PTK2B: variants seen among roughly 807,000 people sequenced by gnomAD.
The protein encoded by PTK2B is protein tyrosine kinase 2 beta, also known as protein-tyrosine kinase 2-beta.
A neutral mutation model predicts 142.9 loss-of-function variants in PTK2B; 71 were observed. That is an observed-to-expected ratio of 0.50 (90% CI 0.41 to 0.61). The LOEUF is 0.61. PTK2B is among the 20% of genes least tolerant of loss of function. PTK2B has a pLI of 0.00. For missense variants in PTK2B, 1,105 were observed against 1,320.4 expected, an observed-to-expected ratio of 0.84 and a Z score of 2.53; for synonymous variants, 519 against 503.4, an observed-to-expected ratio of 1.03 and a Z score of -0.42.
upstream of PTK2B, among the ~76,000 whole-genome samples, chr8:27,324,244 CT>C (rs1247042993): frequency 6.6e-6 from 1 of 152,238 alleles, no homozygotes; most frequent in Non-Finnish European, 1.5e-5. Flanking sequence ...TTCTGACCTG[CT>C]GACCGCTGTG....
intron 8 of PTK2B, 185 bp downstream of exon 8, chr8:27,431,201 T>C: frequency 6.8e-7 from 1 of 1,470,242 alleles, no homozygotes; most frequent in Non-Finnish European, 9.1e-7. Context: ...ACTGAAATGT[T>C]GGCCTCCAGC....
intron 1 of PTK2B, among the ~76,000 whole-genome samples, chr8:27,367,663 C>A (rs913483714): frequency 4.6e-5 from 7 of 152,224 alleles, no homozygotes; most frequent in African/African-American, 1.4e-4. Context: ...GTTCTGCAGG[C>A]TGTGCAAGCA....
intron 1 of PTK2B, among the ~76,000 whole-genome samples, chr8:27,352,442 C>A (rs1434255504): frequency 6.6e-6 from 1 of 152,212 alleles, no homozygotes; most frequent in African/African-American, 2.4e-5. Context: ...TGGAGCAAGA[C>A]CACAATCTAC....
intron 1 of PTK2B, among the ~76,000 whole-genome samples, chr8:27,350,924 C>T (rs1307656492): frequency 1.5e-5 from 2 of 133,760 alleles, no homozygotes; most frequent in Admixed American, 7.9e-5. Flanking sequence ...TGCAGTGAGC[C>T]GAGATCACAC....
intron 1 of PTK2B, among the ~76,000 whole-genome samples, chr8:27,378,249 A>G (rs1806787379): frequency 6.6e-6 from 1 of 152,218 alleles, no homozygotes; most frequent in South Asian, 2.1e-4. Flanking sequence ...GACCAAGACA[A>G]TGATCCTGGA....
chr8:27,412,369 G>A (rs1359449505), intron 2 of PTK2B, among the ~76,000 whole-genome samples: 2 of 152,140 alleles, frequency 1.3e-5, no homozygotes, highest in East Asian at 3.8e-4. Context: ...AGATTCAGGT[G>A]TAGTCTGAGG....
intron 24 of PTK2B, among the ~76,000 whole-genome samples, chr8:27,447,157 A>C (rs1811522528): frequency 6.6e-6 from 1 of 152,248 alleles, no homozygotes; most frequent in Non-Finnish European, 1.5e-5. Context: ...GCTTCTCCAC[A>C]AGGACCTTGT....
At chr8:27,418,579 G>A (rs1454878643) in intron 2 of PTK2B, among the ~76,000 whole-genome samples, 1 of 152,150 alleles carries the variant, frequency 6.6e-6, no homozygotes, top group Non-Finnish European at 1.5e-5. Flanking sequence ...TTAGGCTGAT[G>A]TAGGCTTGAT....
chr8:27,399,123 G>A (rs1314304875), intron 2 of PTK2B, among the ~76,000 whole-genome samples: 2 of 152,214 alleles, frequency 1.3e-5, no homozygotes, highest in African/African-American at 4.8e-5. Context: ...AAGAGCTGAT[G>A]CCATCCACTG....
chr8:27,414,486 T>C (rs1355726695), intron 2 of PTK2B, among the ~76,000 whole-genome samples: 1 of 152,078 alleles, frequency 6.6e-6, no homozygotes, highest in Non-Finnish European at 1.5e-5. Context: ...GACCTCGTGA[T>C]CCGCCCGCCT....
rs149943767 is a variant in PTK2B at position 27,422,039 on chromosome 8, C to T, written c.472-265C>T. On this transcript the variant is annotated intron_variant, in intron 4 of 30. Coordinates refer to ENST00000346049, the MANE Select transcript of PTK2B (RefSeq NM_173176.3). The stretch of plus-strand genomic sequence containing the variant: ...GTTTTCTTCTATCCAAAATGGGGGG[C>T]AGGGGAGGGGAATCTGAACTTCCTG... 1.1e-4 allele frequency among the ~76,000 whole-genome samples: 16 copies of T among 152,276 alleles called. No homozygotes were observed. The East Asian group carries it at 2.5e-3, about 24-fold the overall frequency.
At chr8:27,415,266 G>GTGGA (rs1196147010) in intron 2 of PTK2B, among the ~76,000 whole-genome samples, 2 of 152,182 alleles carry the variant, frequency 1.3e-5, no homozygotes, top group Admixed American at 1.3e-4. Context: ...GTGGTGGTGG[G>GTGGA]TGGATGGGGC....
At chr8:27,451,606 T>C in intron 27 of PTK2B, 97 bp downstream of exon 27, 1 of 1,597,618 alleles carries the variant, frequency 6.3e-7, no homozygotes, top group Non-Finnish European at 8.5e-7. Context: ...CAGCGGAGTC[T>C]GTCTGCATTC....
upstream of PTK2B, chr8:27,322,513 A>G (rs1586073814): frequency 1.3e-5 from 2 of 152,208 alleles, no homozygotes; most frequent in Non-Finnish European, 1.5e-5. Flanking sequence ...TGTATGTACT[A>G]TCTCCCCATA....
rs150074089 is a variant in PTK2B at position 27,445,888 on chromosome 8, G to A, written c.2309G>A (p.Arg770Gln). 13 of 1,613,770 alleles carry A rather than the reference G, an allele frequency of 8.1e-6. No individual in the cohort carries two copies. In the African/African-American group the frequency reaches 9.4e-5, roughly 12 times the overall value. Residue 770 changes from arginine (R) to glutamine (Q), a missense_variant, in exon 24 of 31, where the codon CGG becomes CAG. Coordinates refer to ENST00000346049, the MANE Select transcript of PTK2B (RefSeq NM_173176.3). ...TCACTGCACACCCCACCTCTCCACC[G>A]GCACAATGTCTTCAAACGCCACAGC... Reference protein sequence around the residue: ...VNSLHTPPLHRHNVFKRHSMR... With the variant: ...VNSLHTPPLHQHNVFKRHSMR...
intron 1 of PTK2B, among the ~76,000 whole-genome samples, chr8:27,388,599 G>A (rs1807517355): frequency 6.6e-6 from 1 of 152,226 alleles, no homozygotes; most frequent in Non-Finnish European, 1.5e-5. Flanking sequence ...GTCTGTCGCT[G>A]TTCAGACAGT....
At chr8:27,311,668 C>G in exon 1 of PTK2B, 1 of 189,840 alleles carries the variant, frequency 5.3e-6, no homozygotes, top group Non-Finnish European at 1.1e-5. Context: ...CCAGAGATGC[C>G]AACTTCCTGC....
At chr8:27,422,423 T>G (rs1370139584) in intron 5 of PTK2B, 40 bp downstream of exon 5, 1 of 1,550,580 alleles carries the variant, frequency 6.4e-7, no homozygotes, top group East Asian at 2.3e-5. Context: ...GGCGCTGTGC[T>G]GAGCTCTGGG....
At chr8:27,368,598 C>T (rs1211801926) in intron 1 of PTK2B, among the ~76,000 whole-genome samples, 1 of 152,240 alleles carries the variant, frequency 6.6e-6, no homozygotes, top group Non-Finnish European at 1.5e-5. Flanking sequence ...GATTTTGCTC[C>T]TGCTTACATG....
Sources: allele counts gnomAD v4.1 joint callset (sites outside exome capture counted in the v4.1 genomes callset), GRCh38; gene constraint gnomAD v4.1.1; transcripts MANE v1.5; gene names NCBI Gene and HGNC (gene_info 2026-07-23, HGNC 2026-07-21).